CALCRL: variants seen among roughly 807,000 people sequenced by gnomAD.
CALCRL encodes the protein calcitonin receptor like receptor.
CALCRL carries 27 observed loss-of-function variants against 60.4 expected under a neutral mutation model. The observed-to-expected ratio is 0.45, with a 90% CI of 0.33 to 0.62. The LOEUF (loss-of-function observed/expected upper bound fraction) is 0.62, where lower values mean the gene tolerates loss of function less well. Ranked by LOEUF, CALCRL falls within the 20% of genes least tolerant of loss-of-function variation. The pLI is 0.03. For synonymous variants in CALCRL, 190 were observed against 182.6 expected (o/e 1.04, Z -0.33); for missense variants, 424 against 540.7 (o/e 0.78, Z 2.14).
At chr2:187,405,779 C>A (rs1574284702) in intron 1 of CALCRL, among the ~76,000 whole-genome samples, 1 of 152,002 alleles carries the variant, frequency 6.6e-6, no homozygotes, top group Admixed American at 6.6e-5. Flanking sequence ...GAAAGAAAAG[C>A]TTGCAGCCAG....
intron 1 of CALCRL, among the ~76,000 whole-genome samples, chr2:187,445,725 A>G (rs1033822511): frequency 6.6e-5 from 10 of 151,498 alleles, no homozygotes; most frequent in Non-Finnish European, 1.2e-4. Context: ...TTTTTATGAA[A>G]TTTTATTTCT....
intron 7 of CALCRL, 41 bp downstream of exon 7, chr2:187,380,426 A>C: frequency 1.7e-6 from 2 of 1,158,884 alleles, no homozygotes; most frequent in Non-Finnish European, 2.6e-6. Context: ...CTGTTTAAAC[A>C]GATACTGTAA....
intron 9 of CALCRL, among the ~76,000 whole-genome samples, chr2:187,362,325 G>T (rs1345380052): frequency 6.6e-6 from 1 of 152,034 alleles, no homozygotes; most frequent in Admixed American, 6.6e-5. Flanking sequence ...ACATTAGCCA[G>T]ATTTTTATGT....
intron 1 of CALCRL, among the ~76,000 whole-genome samples, chr2:187,443,857 G>A (rs1250758433): frequency 6.6e-6 from 1 of 151,618 alleles, no homozygotes; most frequent in Non-Finnish European, 1.5e-5. Flanking sequence ...CAAAATTGAG[G>A]TGCATATGCA....
chr2:187,413,439 T>C (rs1281445139), intron 1 of CALCRL, among the ~76,000 whole-genome samples: 1 of 152,142 alleles, frequency 6.6e-6, no homozygotes, highest in Non-Finnish European at 1.5e-5. Context: ...ATAACTGTTA[T>C]ATATTTTACC....
At chr2:187,420,067 A>T (rs1689802883) in intron 1 of CALCRL, among the ~76,000 whole-genome samples, 1 of 152,188 alleles carries the variant, frequency 6.6e-6, no homozygotes. Flanking sequence ...AAACCTAGGA[A>T]ATGAAACAGA....
chr2:187,391,547 G>C (rs991922497), intron 1 of CALCRL, among the ~76,000 whole-genome samples: 1 of 152,080 alleles, frequency 6.6e-6, no homozygotes, highest in Non-Finnish European at 1.5e-5. Flanking sequence ...AAGTAAATTT[G>C]TAATCATATT....
chr2:187,370,135 C>A (rs1250894358), intron 8 of CALCRL, among the ~76,000 whole-genome samples: 2 of 152,064 alleles, frequency 1.3e-5, no homozygotes, highest in African/African-American at 4.8e-5. Flanking sequence ...TCATGTAAGA[C>A]CTTCTTGGTT....
intron 1 of CALCRL, among the ~76,000 whole-genome samples, chr2:187,416,700 T>C (rs1206163367): frequency 3.9e-5 from 6 of 152,136 alleles, no homozygotes; most frequent in African/African-American, 1.4e-4. Context: ...AATGCTATTA[T>C]ACTCTGAACT....
intron 8 of CALCRL, among the ~76,000 whole-genome samples, chr2:187,368,590 G>A (rs1287304320): frequency 6.6e-6 from 1 of 152,050 alleles, no homozygotes; most frequent in Admixed American, 6.5e-5. Flanking sequence ...TCTGCCACTA[G>A]TATGGACAAT....
At position 187,428,711 on chromosome 2, in the gene CALCRL, G is replaced by A. The variant is rs141356756; in HGVS notation, c.-293+19328C>T. On this transcript the variant is annotated intron_variant, in intron 1 of 14. Coordinates refer to ENST00000392370, the MANE Select transcript of CALCRL (RefSeq NM_005795.6). ...GATTGAGACCATCCTGGCTAACACG[G>A]AGAAACCCCATCTCTACTAAAAATA... The A allele has an allele frequency of 2.4e-3, 373 of 152,352 alleles. 17 individuals are homozygous for A. In the South Asian group the frequency reaches 0.057, roughly 23 times the overall value. 9.4% of individuals were successfully genotyped at this position (152,352 alleles called of 1,614,324 possible). A position where few individuals can be genotyped will look rare whatever the true frequency, so the allele number is the denominator to read the frequency against.
intron 12 of CALCRL, among the ~76,000 whole-genome samples, chr2:187,353,410 G>T (rs544454205): frequency 6.6e-6 from 1 of 151,916 alleles, no homozygotes; most frequent in Non-Finnish European, 1.5e-5. Context: ...TTTAAAAATT[G>T]CAAAAAATAG....
chr2:187,391,322 C>G (rs1688437405), intron 1 of CALCRL, among the ~76,000 whole-genome samples: 1 of 152,158 alleles, frequency 6.6e-6, no homozygotes, highest in Admixed American at 6.6e-5. Context: ...TTTTTAATCT[C>G]TTTCAGATCT....
intron 8 of CALCRL, among the ~76,000 whole-genome samples, chr2:187,377,033 G>A (rs1207081336): frequency 6.6e-6 from 1 of 152,076 alleles, no homozygotes; most frequent in Non-Finnish European, 1.5e-5. Context: ...AGGAAGTGAT[G>A]CTAAAATTTA....
At chr2:187,438,160 A>T (rs1482303212) in intron 1 of CALCRL, among the ~76,000 whole-genome samples, 2 of 152,176 alleles carry the variant, frequency 1.3e-5, no homozygotes, top group East Asian at 3.8e-4. Context: ...CTAAATGGGA[A>T]AATAAAAGAT....
Position 187,363,496 on chromosome 2 carries a change from T to C in CALCRL, c.507A>G (p.Leu169=), listed in dbSNP as rs1245407020. 1 of 1,594,402 alleles carries C rather than the reference T, an allele frequency of 6.3e-7. No homozygotes were observed. Among genetic ancestry groups the C allele is most frequent in the Non-Finnish European group, 8.5e-7 (1 of 1,171,564 alleles). ...SLGIFFYFKS[L]SCQRITLHKN... is the part of the protein sequence containing the mutation. ...TGTGTAAGGTAATCCTTTGGCAACT[T>C]AGGCTCCTAAAAAGCAAGAAAAACA... is the stretch of plus-strand genomic sequence containing the variant. Residue 169 remains leucine, a synonymous_variant, in exon 9 of 15, where the codon CTA becomes CTG. Coordinates refer to ENST00000392370, the MANE Select transcript of CALCRL (RefSeq NM_005795.6).
intron 12 of CALCRL, among the ~76,000 whole-genome samples, chr2:187,357,702 G>T (rs904403821): frequency 6.0e-5 from 9 of 150,720 alleles, no homozygotes; most frequent in Non-Finnish European, 1.0e-4. Context: ...GCTAGATGAC[G>T]AGTTAGTGGG....
chr2:187,390,723 A>G (rs1013292374), intron 1 of CALCRL, among the ~76,000 whole-genome samples: 4 of 152,146 alleles, frequency 2.6e-5, no homozygotes, highest in Non-Finnish European at 4.4e-5. Context: ...TAATGATCTG[A>G]AAATTGTGCT....
chr2:187,400,482 A>G (rs1688842922), intron 1 of CALCRL, among the ~76,000 whole-genome samples: 1 of 151,480 alleles, frequency 6.6e-6, no homozygotes, highest in Non-Finnish European at 1.5e-5. Context: ...TAGTTTTTCT[A>G]AATGTTAAAC....
Sources: gnomAD v4.1 joint callset for allele counts (sites outside exome capture counted in the v4.1 genomes callset) on GRCh38, gnomAD v4.1.1 for gene constraint, MANE v1.5 for transcripts, NCBI Gene and HGNC (gene_info 2026-07-23, HGNC 2026-07-21) for gene names.